SV2C: variants seen among roughly 807,000 people sequenced by gnomAD.
SV2C encodes the protein synaptic vesicle glycoprotein 2C.
A neutral mutation model predicts 79.7 loss-of-function variants in SV2C; 49 were observed. The ratio of observed to expected loss-of-function variants is 0.61; its 90% CI spans 0.49 to 0.78. The LOEUF (loss-of-function observed/expected upper bound fraction) is 0.78, where lower values mean the gene tolerates loss of function less well. Among genes scored for constraint, SV2C ranks in the 30% least tolerant of loss-of-function variants. The probability of loss-of-function intolerance (pLI) is 0.00; values close to 1 mark genes in which losing one functional copy is unlikely to be tolerated. For missense variants in SV2C, 833 were observed against 912.9 expected (o/e 0.91, Z 1.13); for synonymous variants, 334 against 333.2 (o/e 1.00, Z -0.03).
chr5:75,873,390 A>G, the SV2C span, among the ~76,000 whole-genome samples: 1 of 147,412 alleles, frequency 6.8e-6, no homozygotes, highest in East Asian at 2.0e-4. Flanking sequence ...TCATTTTTTC[A>G]CTAATTAAAT....
chr5:76,348,641 T>G (rs1166091039), intron 12 of SV2C, among the ~76,000 whole-genome samples: 2 of 152,230 alleles, frequency 1.3e-5, no homozygotes, highest in Non-Finnish European at 2.9e-5. Flanking sequence ...CAGAGAAGGT[T>G]GTACATGAGT....
intron 3 of SV2C, among the ~76,000 whole-genome samples, chr5:76,195,553 A>G (rs1421733979): frequency 6.6e-6 from 1 of 152,224 alleles, no homozygotes; most frequent in African/African-American, 2.4e-5. Flanking sequence ...TTAACTTGGT[A>G]GAAAGCCTCC....
intron 12 of SV2C, among the ~76,000 whole-genome samples, chr5:76,352,844 A>G (rs1377228915): frequency 1.3e-5 from 2 of 152,012 alleles, no homozygotes; most frequent in Admixed American, 1.3e-4. Context: ...CATTTTTCAT[A>G]TAATACATTT....
At chr5:76,163,622 TGCAGTTCCA>T (rs1285866832) in intron 2 of SV2C, among the ~76,000 whole-genome samples, 1 of 151,550 alleles carries the variant, frequency 6.6e-6, no homozygotes, top group African/African-American at 2.4e-5. Flanking sequence ...CCATTAGCCC[TGCAGTTCCA>T]GCCTCACTGA....
chr5:76,340,924 ATTT>A (rs56102200), intron 12 of SV2C, among the ~76,000 whole-genome samples: 2 of 111,928 alleles, frequency 1.8e-5, no homozygotes, highest in Admixed American at 1.1e-4. Flanking sequence ...GTTTTACAAA[ATTT>A]TTTTTTTTTT....
At chr5:76,012,536 T>G in the SV2C span, among the ~76,000 whole-genome samples, 1 of 152,192 alleles carries the variant, frequency 6.6e-6, no homozygotes, top group Non-Finnish European at 1.5e-5. Flanking sequence ...TTGCAAAAAT[T>G]TTCTCCCATT....
chr5:76,146,489 G>A (rs1161542938), intron 2 of SV2C, among the ~76,000 whole-genome samples: 1 of 152,090 alleles, frequency 6.6e-6, no homozygotes, highest in African/African-American at 2.4e-5. Context: ...GTGCTGGTGG[G>A]AGTGTAGCAG....
chr5:75,972,382 G>A, the SV2C span, among the ~76,000 whole-genome samples: 1 of 152,066 alleles, frequency 6.6e-6, no homozygotes, highest in East Asian at 1.9e-4. Context: ...CCATCAGAGT[G>A]AACAGGCAAC....
the SV2C span, among the ~76,000 whole-genome samples, chr5:75,978,875 T>A: frequency 5.3e-5 from 8 of 151,978 alleles, no homozygotes; most frequent in African/African-American, 1.9e-4. Flanking sequence ...GATAGATGGC[T>A]TGAGGCTGAG....
At chr5:75,875,738 C>A in the SV2C span, among the ~76,000 whole-genome samples, 14 of 152,094 alleles carry the variant, frequency 9.2e-5, no homozygotes, top group Admixed American at 9.2e-4. Context: ...GAAAAACAGA[C>A]AACCCCATTA....
chr5:76,339,650 C>T (rs1435754082), intron 12 of SV2C, among the ~76,000 whole-genome samples: 2 of 150,272 alleles, frequency 1.3e-5, no homozygotes, highest in Non-Finnish European at 3.0e-5. Context: ...GGAGGCGGAG[C>T]TTGCAGTGAG....
At chr5:76,055,221 A>T in the SV2C span, among the ~76,000 whole-genome samples, 1 of 152,138 alleles carries the variant, frequency 6.6e-6, no homozygotes, top group African/African-American at 2.4e-5. Flanking sequence ...TCTTGTGGCT[A>T]TCCAGTTTTC....
chr5:76,077,861 C>T, the SV2C span, among the ~76,000 whole-genome samples: 3 of 152,214 alleles, frequency 2.0e-5, no homozygotes, highest in East Asian at 5.8e-4. Flanking sequence ...GAGGTGGCCT[C>T]TTAAACTTTA....
chr5:76,076,739 C>G, the SV2C span, among the ~76,000 whole-genome samples: 128 of 152,302 alleles, frequency 8.4e-4, no homozygotes, highest in Non-Finnish European at 1.9e-4. Context: ...TATTCTACCT[C>G]TACTGCATAG....
chr5:76,251,560 A>G (rs1746118383), intron 4 of SV2C, among the ~76,000 whole-genome samples: 1 of 152,092 alleles, frequency 6.6e-6, no homozygotes, highest in Admixed American at 6.5e-5. Context: ...CAAAAAACAA[A>G]CAAAATATTA....
the SV2C span, among the ~76,000 whole-genome samples, chr5:75,982,963 GA>G: frequency 1.3e-5 from 2 of 152,122 alleles, no homozygotes; most frequent in African/African-American, 2.4e-5. Context: ...GAGCCTTTTG[GA>G]GGGGGGAGGG....
intron 12 of SV2C, among the ~76,000 whole-genome samples, chr5:76,316,328 C>A (rs908854161): frequency 6.6e-6 from 1 of 152,186 alleles, no homozygotes; most frequent in African/African-American, 2.4e-5. Context: ...GGATTCTCAA[C>A]CCTGGATACA....
At chr5:76,348,139 T>C (rs1391917574) in intron 12 of SV2C, among the ~76,000 whole-genome samples, 1 of 152,224 alleles carries the variant, frequency 6.6e-6, no homozygotes, top group Non-Finnish European at 1.5e-5. Flanking sequence ...CATATTTTGC[T>C]TTTTCCAAAT....
At chr5:75,865,528 A>T in the SV2C span, among the ~76,000 whole-genome samples, 522 of 152,300 alleles carry the variant, frequency 3.4e-3, 5 homozygotes, top group African/African-American at 0.012. Flanking sequence ...TAGAAGAAGA[A>T]TCTTCCCCAT....
Sources: gnomAD v4.1 joint callset for allele counts (sites outside exome capture counted in the v4.1 genomes callset) on GRCh38, gnomAD v4.1.1 for gene constraint, MANE v1.5 for transcripts, NCBI Gene and HGNC (gene_info 2026-07-23, HGNC 2026-07-21) for gene names.